The following WDPCP variants were observed in gnomAD, a reference collection of about 807,000 sequenced individuals.
WDPCP encodes the protein WD repeat containing planar cell polarity effector.
Under a neutral mutation model 93.1 loss-of-function variants are expected in WDPCP, and 71 were observed. That is an observed-to-expected ratio of 0.76 (90% CI 0.63 to 0.93). The LOEUF (loss-of-function observed/expected upper bound fraction) is 0.93. WDPCP is among the 40% of genes least tolerant of loss of function. The pLI, the probability that WDPCP is intolerant of heterozygous loss-of-function variation, is 0.00. For synonymous variants in WDPCP, 315 were observed against 315.0 expected, an observed-to-expected ratio of 1.00 and a Z score of 0.00; for missense variants, 844 against 887.4, an observed-to-expected ratio of 0.95 and a Z score of 0.62.
At chr2:63,422,314 A>G (rs1216865716) in intron 9 of WDPCP, among the ~76,000 whole-genome samples, 1 of 152,232 alleles carries the variant, frequency 6.6e-6, no homozygotes, top group African/African-American at 2.4e-5. Context: ...AAGATGGGAC[A>G]ATCTGAGCTT....
upstream of WDPCP, among the ~76,000 whole-genome samples, chr2:63,830,601 C>T (rs1312656370): frequency 6.6e-6 from 1 of 152,112 alleles, no homozygotes; most frequent in African/African-American, 2.4e-5. Context: ...TATCACTCTA[C>T]TGCTCTTATA....
chr2:63,248,435 T>C (rs755540423), intron 14 of WDPCP, among the ~76,000 whole-genome samples: 1 of 152,190 alleles, frequency 6.6e-6, no homozygotes, highest in Non-Finnish European at 1.5e-5. Flanking sequence ...TTGAAGTTCA[T>C]TGAGCATCTT....
chr2:63,657,389 G>A (rs1710181154), intron 2 of WDPCP, among the ~76,000 whole-genome samples: 2 of 151,910 alleles, frequency 1.3e-5, no homozygotes, highest in Non-Finnish European at 2.9e-5. Context: ...GTATTTTTTA[G>A]TAGAGACGGG....
At chr2:63,240,411 C>G (rs1474294217) in intron 14 of WDPCP, among the ~76,000 whole-genome samples, 2 of 152,134 alleles carry the variant, frequency 1.3e-5, no homozygotes, top group Non-Finnish European at 2.9e-5. Context: ...CTCCTGGCCT[C>G]AAGCTATCCT....
chr2:63,476,553 C>T (rs901401988), intron 6 of WDPCP, among the ~76,000 whole-genome samples: 2 of 152,252 alleles, frequency 1.3e-5, no homozygotes, highest in Non-Finnish European at 2.9e-5. Flanking sequence ...TACAATTTGG[C>T]ACTCATTAGT....
intron 17 of WDPCP, among the ~76,000 whole-genome samples, chr2:63,132,036 A>G (rs1471163754): frequency 6.6e-6 from 1 of 151,788 alleles, no homozygotes; most frequent in Non-Finnish European, 1.5e-5. Context: ...GGGTTTCAAC[A>G]TGTTGGCCAG....
chr2:63,565,944 C>T (rs1707012903), intron 1 of WDPCP, among the ~76,000 whole-genome samples: 1 of 152,160 alleles, frequency 6.6e-6, no homozygotes, highest in South Asian at 2.1e-4. Flanking sequence ...TTTATATCCA[C>T]TGCCACCATC....
At position 63,226,945 on chromosome 2, in the gene WDPCP, CAT is replaced by C. The variant is rs369626211; in HGVS notation, c.1915+32360_1915+32361del. ...CAGAAAGTGTTTATGGAACTTAACA[CAT>C]GATTTGTTATGAAAAAGCATTATTA... is the stretch of plus-strand genomic sequence containing the variant. On this transcript the variant is annotated intron_variant, in intron 14 of 17. Transcript: ENST00000272321. 2.4e-4 allele frequency among the ~76,000 whole-genome samples: 36 copies of C among 151,962 alleles called. 1 individual carries two copies. In the South Asian group the frequency reaches 7.3e-3, roughly 31 times the overall value.
At chr2:63,432,195 A>G (rs2105452051) in intron 9 of WDPCP, among the ~76,000 whole-genome samples, 1 of 152,292 alleles carries the variant, frequency 6.6e-6, no homozygotes, top group Middle Eastern at 3.4e-3. Flanking sequence ...TCAACTCTAG[A>G]AAGGTGAGAT....
At chr2:63,175,428 A>C (rs533663302) in intron 14 of WDPCP, among the ~76,000 whole-genome samples, 242 of 152,216 alleles carry the variant, frequency 1.6e-3, no homozygotes, top group Non-Finnish European at 2.3e-3. Context: ...CAAAAAAAAA[A>C]ACCTCTTAGG....
At chr2:63,644,905 T>C (rs1710031488) in intron 3 of WDPCP, among the ~76,000 whole-genome samples, 1 of 152,170 alleles carries the variant, frequency 6.6e-6, no homozygotes, top group Non-Finnish European at 1.5e-5. Flanking sequence ...CTTTTTTTCT[T>C]AGTTGGCTAA....
At chr2:63,204,754 C>A in intron 14 of WDPCP, among the ~76,000 whole-genome samples, 1 of 150,994 alleles carries the variant, frequency 6.6e-6, no homozygotes, top group East Asian at 2.0e-4. Flanking sequence ...GGTTATTAAT[C>A]CCTTGTGAGA....
Position 63,345,966 on chromosome 2 carries a change from TA to T in WDPCP, c.1748+32419del, listed in dbSNP as rs575356009. Among the ~76,000 whole-genome samples, 33 of 152,142 alleles carry T rather than the reference TA, an allele frequency of 2.2e-4. No individual in the cohort carries two copies. The South Asian group carries it at 6.4e-3, about 30-fold the overall frequency. On this transcript the variant is annotated intron_variant, in intron 12 of 17. Transcript: ENST00000272321. ...CTGATAAGGTAGGAGACTATACAAC[TA>T]AAGAGTTGCAAGAATTCGACACTAT...
chr2:63,644,475 C>G (rs375157432), intron 3 of WDPCP, among the ~76,000 whole-genome samples: 56 of 152,218 alleles, frequency 3.7e-4, no homozygotes, highest in Middle Eastern at 6.8e-3. Context: ...AACTCCTGAC[C>G]TCGTGATCCA....
At chr2:63,551,417 G>C (rs1575629671) in intron 1 of WDPCP, among the ~76,000 whole-genome samples, 1 of 152,214 alleles carries the variant, frequency 6.6e-6, no homozygotes, top group East Asian at 1.9e-4. Flanking sequence ...TTCTCACTCT[G>C]AGTTCAAGTG....
In WDPCP at chr2:63,129,613, T is replaced by G. The variant is rs1228413457; in HGVS notation, c.2191-7557A>C. 2.0e-5 allele frequency among the ~76,000 whole-genome samples: 3 copies of G among 152,368 alleles called. No individual in the cohort carries two copies. In the East Asian group the frequency reaches 5.8e-4, roughly 29 times the overall value. On this transcript the variant is annotated intron_variant, in intron 17 of 17. Coordinates refer to ENST00000272321, the MANE Select transcript of WDPCP (RefSeq NM_015910.7). ...GTACTTTTTGTCCATTTGTATATCT[T>G]GGAAGTTCTTTGCACATTACATTTT...
At chr2:63,835,263 C>A in the WDPCP span, among the ~76,000 whole-genome samples, 1 of 151,094 alleles carries the variant, frequency 6.6e-6, no homozygotes, top group East Asian at 1.9e-4. Flanking sequence ...GGTGGCAGGC[C>A]CCTGTAATCC....
At chr2:63,369,577 C>A (rs1216166901) in intron 12 of WDPCP, 1 of 448,828 alleles carries the variant, frequency 2.2e-6, no homozygotes, top group Non-Finnish European at 4.5e-6. Context: ...TTTTGTACAT[C>A]CCAAATGAAA....
intron 13 of WDPCP, among the ~76,000 whole-genome samples, chr2:63,275,489 G>A (rs949787491): frequency 6.6e-6 from 1 of 152,164 alleles, no homozygotes; most frequent in African/African-American, 2.4e-5. Flanking sequence ...CAGATTTGCA[G>A]ACGGCATGAT....
Sources: allele counts gnomAD v4.1 joint callset (sites outside exome capture counted in the v4.1 genomes callset), GRCh38; gene constraint gnomAD v4.1.1; transcripts MANE v1.5; gene names NCBI Gene and HGNC (gene_info 2026-07-23, HGNC 2026-07-21).